SUCO: variants seen among roughly 807,000 people sequenced by gnomAD.
SUCO encodes SUN domain-containing ossification factor.
Under a neutral mutation model 148.1 loss-of-function variants are expected in SUCO, and 57 were observed. That is an observed-to-expected ratio of 0.38 (90% CI 0.31 to 0.48). The LOEUF (loss-of-function observed/expected upper bound fraction) is 0.48. Among genes scored for constraint, SUCO ranks in the 20% least tolerant of loss-of-function variants. The pLI, the probability that SUCO is intolerant of heterozygous loss-of-function variation, is 0.96. For synonymous variants in SUCO, 470 were observed against 502.7 expected, an observed-to-expected ratio of 0.93 and a Z score of 0.87; for missense variants, 1,331 against 1,468.2, an observed-to-expected ratio of 0.91 and a Z score of 1.53.
Position 172,609,923 on chromosome 1 carries a change from C to G in SUCO, c.3429C>G (p.Asn1143Lys). 6.2e-7 allele frequency: 1 copy of G among 1,613,856 alleles called. No individual in the cohort carries two copies. Among genetic ancestry groups the G allele is most frequent in the South Asian group, 1.1e-5 (1 of 91,076 alleles). Residue 1143 changes from asparagine to lysine, a missense_variant, in exon 24 of 24, where the codon AAC becomes AAG. Transcript: ENST00000263688. ...GDIKGRKPFT[N>K]QRDFSNMGEV... Reference sequence around the variant, plus strand: ...TAAAAGGAAGAAAGCCCTTTACGAACCAGAGAGATTTTTCTAATATGGGAG... The same window carrying G: ...TAAAAGGAAGAAAGCCCTTTACGAAGCAGAGAGATTTTTCTAATATGGGAG...
At chr1:172,532,957 T>C (rs1332601130), upstream of SUCO, 4 of 909,972 alleles carry the variant, frequency 4.4e-6, no homozygotes, top group Non-Finnish European at 5.3e-6. Context: ...GCCTGCGACG[T>C]CGAAGGGGGC....
intron 12 of SUCO, 54 bp from the exon 13 acceptor site, chr1:172,577,710 A>T (rs1226844730): frequency 6.3e-7 from 1 of 1,582,450 alleles, no homozygotes. Context: ...ATATTGTTAG[A>T]TAATCTTACA....
intron 3 of SUCO, 132 bp downstream of exon 3, chr1:172,553,502 A>T (rs1653470393): frequency 6.3e-6 from 3 of 479,638 alleles, no homozygotes; most frequent in Non-Finnish European, 1.1e-5. Flanking sequence ...ACTGGACTTA[A>T]GATTACTTAC....
intron 22 of SUCO, among the ~76,000 whole-genome samples, chr1:172,604,324 A>G (rs1249639687): frequency 6.6e-6 from 1 of 151,924 alleles, no homozygotes; most frequent in African/African-American, 2.4e-5. Context: ...TATCTTTACC[A>G]GTAAAGAAAG....
chr1:172,606,205 A>G (rs966781518), intron 22 of SUCO, among the ~76,000 whole-genome samples: 26 of 151,678 alleles, frequency 1.7e-4, no homozygotes, highest in Admixed American at 4.6e-4. Flanking sequence ...TAAGATTGGC[A>G]TGTAATATTT....
intron 1 of SUCO, among the ~76,000 whole-genome samples, chr1:172,547,918 G>GAGGA (rs1652982305): frequency 6.6e-6 from 1 of 152,072 alleles, no homozygotes; most frequent in Non-Finnish European, 1.5e-5. Flanking sequence ...CAGAGGGAGA[G>GAGGA]AGGAAGGATG....
At chr1:172,532,451 G>C, upstream of SUCO, 1 of 1,583,924 alleles carries the variant, frequency 6.3e-7, no homozygotes, top group Admixed American at 1.8e-5. Flanking sequence ...AAAGCGAAAG[G>C]TTTTCCGCTG....
At chr1:172,556,991 T>C in intron 4 of SUCO, 1 of 979,036 alleles carries the variant, frequency 1.0e-6, no homozygotes, top group Non-Finnish European at 1.2e-6. Flanking sequence ...TTAATGCTGG[T>C]AGAATTAGTA....
At chr1:172,594,654 A>G (rs1656945770) in intron 19 of SUCO, among the ~76,000 whole-genome samples, 2 of 152,162 alleles carry the variant, frequency 1.3e-5, no homozygotes, top group African/African-American at 4.8e-5. Flanking sequence ...CCAGTTTGTT[A>G]TAATTTCTGT....
At chr1:172,578,193 G>T in intron 13 of SUCO, 105 bp from the exon 14 acceptor site, 1 of 817,684 alleles carries the variant, frequency 1.2e-6, no homozygotes, top group South Asian at 1.6e-5. Flanking sequence ...AAAAGCCAGT[G>T]GCCCTCAAAA....
Position 172,553,329 on chromosome 1 carries a change from A to G in SUCO, c.247A>G (p.Lys83Glu). Reference sequence around the variant, plus strand: ...AGGTTCAAATTTACCTATTTCTCCAAAAGAACATAAATTAAAAGATGATTC... The same window carrying G: ...AGGTTCAAATTTACCTATTTCTCCAGAAGAACATAAATTAAAAGATGATTC... Reference protein sequence around the residue: ...KSGSNLPISPKEHKLKDDSIV... With the variant: ...KSGSNLPISPEEHKLKDDSIV... Residue 83 changes from lysine (K) to glutamate (E), a missense_variant, in exon 3 of 24, where the codon AAA becomes GAA. Transcript: ENST00000263688. 6.2e-7 allele frequency: 1 copy of G among 1,605,814 alleles called. No individual in the cohort carries two copies. Among genetic ancestry groups the G allele is most frequent in the Non-Finnish European group, 8.5e-7 (1 of 1,174,442 alleles).
chr1:172,569,975 G>A, intron 7 of SUCO, 72 bp from the exon 8 acceptor site: 1 of 1,247,806 alleles, frequency 8.0e-7, no homozygotes, highest in Non-Finnish European at 1.0e-6. Context: ...GGAGATCAGT[G>A]TTGCTAGAGG....
chr1:172,582,578 T>C (rs1655948348), intron 15 of SUCO, among the ~76,000 whole-genome samples: 1 of 152,152 alleles, frequency 6.6e-6, no homozygotes, highest in Admixed American at 6.5e-5. Context: ...TATCTCTAGT[T>C]TGGCAATTAT....
chr1:172,551,467 C>G (rs1304072366), intron 1 of SUCO, 45 bp from the exon 2 acceptor site: 22 of 1,264,664 alleles, frequency 1.7e-5, no homozygotes, highest in Non-Finnish European at 2.5e-5. Flanking sequence ...TTCTTTCTTT[C>G]TCTTTCTCTT....
intron 4 of SUCO, chr1:172,556,951 G>A (rs1653799153): frequency 6.1e-6 from 6 of 981,534 alleles, no homozygotes; most frequent in Non-Finnish European, 7.3e-6. Context: ...TTGAGATAAT[G>A]ACTTTTGAAG....
upstream of SUCO, chr1:172,533,063 G>A (rs1651711741): frequency 7.0e-7 from 1 of 1,429,238 alleles, no homozygotes; most frequent in Non-Finnish European, 9.1e-7. Flanking sequence ...TCGCGGCCCC[G>A]CCGGCGATTG....
intron 15 of SUCO, among the ~76,000 whole-genome samples, chr1:172,582,332 T>C (rs1298580387): frequency 6.6e-6 from 1 of 152,080 alleles, no homozygotes; most frequent in Non-Finnish European, 1.5e-5. Flanking sequence ...TTTTTGTTGG[T>C]TTATCTTCTG....
In SUCO at chr1:172,555,948, C is replaced by T. The variant is rs1029712358; in HGVS notation, c.368C>T (p.Ala123Val). The stretch of plus-strand genomic sequence containing the variant: ...GATTTGCATGAAGAGTCTTCCAATG[C>T]AGTTGTGGACAGTGAAACTGTTGAA... ...TVDLHEESSN[A>V]VVDSETVENI... Residue 123 changes from alanine to valine, a missense_variant, in exon 4 of 24, where the codon GCA becomes GTA. Transcript: ENST00000263688. 2 of 1,613,274 alleles carry T rather than the reference C, an allele frequency of 1.2e-6. No individual in the cohort carries two copies. Among genetic ancestry groups the T allele is most frequent in the Non-Finnish European group, 1.7e-6 (2 of 1,179,536 alleles).
At position 172,533,183 on chromosome 1, in the gene SUCO, G is replaced by A; in HGVS notation, c.-253G>A. The A allele has an allele frequency of 6.7e-7, 1 of 1,493,740 alleles. No individual in the cohort carries two copies. Among genetic ancestry groups the A allele is most frequent in the Non-Finnish European group, 8.9e-7 (1 of 1,122,988 alleles). The allele number at this position is 1,493,740 out of a possible 1,614,324, so 92.5% of individuals were successfully genotyped here. A position where few individuals can be genotyped will look rare whatever the true frequency, so the allele number is the denominator to read the frequency against. ...GCAGTGGCGGCTGCAGGAGGCGGGC[G>A]TGGACGAGCCGGTGGCTGCAGCGGC... On this transcript the variant is annotated 5_prime_UTR_variant, in exon 1 of 24. In the 5' UTR this introduces an upstream ATG that the reference lacks. Transcript: ENST00000263688.
Sources: gnomAD v4.1 joint callset for allele counts (sites outside exome capture counted in the v4.1 genomes callset) on GRCh38, gnomAD v4.1.1 for gene constraint, MANE v1.5 for transcripts, NCBI Gene and HGNC (gene_info 2026-07-23, HGNC 2026-07-21) for gene names.